KCNH2: variants seen among roughly 807,000 people sequenced by gnomAD.
KCNH2 encodes potassium voltage-gated channel subfamily H member 2.
Under a neutral mutation model 95.9 loss-of-function variants are expected in KCNH2, and 35 were observed. The observed-to-expected ratio is 0.37, with a 90% confidence interval of 0.28 to 0.48. KCNH2 has a LOEUF of 0.48. KCNH2 is among the 20% of genes least tolerant of loss of function. The pLI is 0.99. For synonymous variants in KCNH2, 786 were observed against 754.7 expected (o/e 1.04, Z -0.68); for missense variants, 1,274 against 1,702.9 (o/e 0.75, Z 4.43).
rs991611883 is a variant in KCNH2, at chr7:150,961,141, G to GTT, written c.308-1407_308-1406dup. Reference sequence around the variant, plus strand: ...GCCTCCCAGTGTCTCCCGTCCCCACGTTAGTGCCTAGCACCTAGAGTCATA... The same window carrying GTT: ...GCCTCCCAGTGTCTCCCGTCCCCACGTTTTAGTGCCTAGCACCTAGAGTCATA... On this transcript the variant is annotated intron_variant, in intron 2 of 14. Coordinates refer to ENST00000262186, the MANE Select transcript of KCNH2 (RefSeq NM_000238.4). The surrounding 1 kb of genome is among the most constrained non-coding windows in gnomAD (Gnocchi z 6.2). 1.2e-4 allele frequency among the ~76,000 whole-genome samples: 18 copies of GTT among 151,986 alleles called. No homozygotes were observed. The highest frequency in any genetic ancestry group is 4.1e-4 in the African/African-American group (17 of 41,360).
At chr7:150,967,069 A>C (rs1418900807) in intron 2 of KCNH2, among the ~76,000 whole-genome samples, 1 of 152,220 alleles carries the variant, frequency 6.6e-6, no homozygotes, top group Non-Finnish European at 1.5e-5. Flanking sequence ...ACCTGAGGTC[A>C]GGAGTTCGAG....
chr7:150,977,888 G>C lies in KCNH2; in HGVS notation c.26C>G (p.Ala9Gly). 1 of 1,605,520 alleles carries C rather than the reference G, an allele frequency of 6.2e-7. No homozygotes were observed. Among genetic ancestry groups the C allele is most frequent in the Non-Finnish European group, 8.5e-7 (1 of 1,177,476 alleles). The change falls in exon 1 of 15, where the codon GCG becomes GGG. Residue 9 changes from alanine (A) to glycine (G), a missense_variant. Ala to Gly is a moderately conservative substitution (Grantham distance 60, BLOSUM62 0). Transcript: ENST00000262186. MPVRRGHVAPQNTFLDTII... is the reference protein window; with the variant it reads MPVRRGHVGPQNTFLDTII... ...GGTGTCCAGGAAGGTGTTCTGCGGC[G>C]CGACGTGGCCCCTCCGCACCGGCAT...
At chr7:150,963,578 A>ACCCCAG (rs1289050307) in intron 2 of KCNH2, among the ~76,000 whole-genome samples, 13 of 93,638 alleles carry the variant, frequency 1.4e-4, no homozygotes, top group African/African-American at 4.5e-4. Flanking sequence ...CCCCATTCCC[A>ACCCCAG]CCCCAGCCCC....
Position 150,952,805 on chromosome 7 carries a change from G to C in KCNH2, c.1177C>G (p.Pro393Ala). The C allele has an allele frequency of 6.2e-7, 1 of 1,614,062 alleles. No homozygotes were observed. The highest frequency in any genetic ancestry group is 1.1e-5 in the South Asian group (1 of 91,078). Reference sequence around the variant, plus strand: ...AGGATGGTCCAGCGGTGGATGCGCGGTGCCTGCAGCTTGTACTCAGGCAGC... The same window carrying C: ...AGGATGGTCCAGCGGTGGATGCGCGCTGCCTGCAGCTTGTACTCAGGCAGC... ...DVLPEYKLQA[P>A]RIHRWTILHY... The change falls in exon 6 of 15, where the codon CCG becomes GCG. Residue 393 changes from proline (P) to alanine (A), a missense_variant. Pro to Ala is a conservative substitution (Grantham distance 27). This residue lies in a region of KCNH2 where 392 missense variants were observed against 429.9 expected (regional missense o/e 0.91). Coordinates refer to ENST00000262186, the MANE Select transcript of KCNH2 (RefSeq NM_000238.4). This position sits in a 1 kb window ranked among gnomAD's most constrained non-coding sequence, Gnocchi z 7.3.
chr7:150,972,604 G>T (rs1379760992), intron 2 of KCNH2, among the ~76,000 whole-genome samples: 1 of 152,214 alleles, frequency 6.6e-6, no homozygotes, highest in African/African-American at 2.4e-5. Flanking sequence ...TGAAGAAGGG[G>T]ACAGACAGAG....
In KCNH2 at chr7:150,948,209, C is replaced by A. The variant is rs1800990977; in HGVS notation, c.2692+235G>T. Among the ~76,000 whole-genome samples the A allele has an allele frequency of 2.0e-5, 3 of 152,306 alleles. No individual in the cohort carries two copies. In the South Asian group the frequency reaches 6.2e-4, roughly 32 times the overall value. On this transcript the variant is annotated intron_variant, in intron 11 of 14. Transcript: ENST00000262186. ...CACAGAGACCCCAGCCCTGTGAAGTCCAAAAAGCCTAGGCTTGCCCTGGAG... is the reference window on the plus strand; with the variant it reads ...CACAGAGACCCCAGCCCTGTGAAGTACAAAAAGCCTAGGCTTGCCCTGGAG...
intron 2 of KCNH2, among the ~76,000 whole-genome samples, chr7:150,969,189 C>T (rs1465657867): frequency 2.0e-5 from 3 of 152,174 alleles, no homozygotes; most frequent in Admixed American, 6.5e-5. Context: ...TCAGGCCACC[C>T]GCCAGCTGGG....
chr7:150,950,088 T>G, intron 9 of KCNH2, 80 bp downstream of exon 9: 1 of 1,613,082 alleles, frequency 6.2e-7, no homozygotes, highest in Non-Finnish European at 8.5e-7. Flanking sequence ...ACAGCCCCAG[T>G]GACTGCATAT....
rs1369712678 is a variant in KCNH2, at chr7:150,945,322, C to T, written c.*43G>A. 6.4e-7 allele frequency: 1 copy of T among 1,565,406 alleles called. No homozygotes were observed. The highest frequency in any genetic ancestry group is 8.7e-7 in the Non-Finnish European group (1 of 1,154,842). ...TCCAAGGGGAGCGGCCCAGCAGCGC[C>T]TTGATCCCTGGGTGAGCCACGTGTC... On this transcript the variant is annotated 3_prime_UTR_variant, in exon 15 of 15. Transcript: ENST00000262186. The surrounding 1 kb of genome is among the most constrained non-coding windows in gnomAD (Gnocchi z 5.6).
In KCNH2 at chr7:150,945,104, T is replaced by C; in HGVS notation, c.*261A>G. On this transcript the variant is annotated 3_prime_UTR_variant, in exon 15 of 15. Transcript: ENST00000262186. The surrounding 1 kb of genome is among the most constrained non-coding windows in gnomAD (Gnocchi z 5.6). ...TGCCTAAGGCCCAGGGCCGGGTGCC[T>C]CCGGGCAGTTAGACCAGCTAATGCC... 1 of 507,168 alleles carries C rather than the reference T, an allele frequency of 2.0e-6. No homozygotes were observed. The highest frequency in any genetic ancestry group is 3.5e-6 in the Non-Finnish European group (1 of 285,534). The allele number at this position is 507,168 out of a possible 1,614,324, so 31.4% of individuals were successfully genotyped here. A position where few individuals can be genotyped will look rare whatever the true frequency, so the allele number is the denominator to read the frequency against.
intron 10 of KCNH2, 43 bp from the exon 11 acceptor site, chr7:150,948,586 GC>G: frequency 6.5e-7 from 1 of 1,542,660 alleles, no homozygotes; most frequent in Non-Finnish European, 9.0e-7. Flanking sequence ...GTGCTCTCCT[GC>G]CCCACCGGGG....
rs1264176305 is a variant in KCNH2, at chr7:150,950,335, C to T, written c.2231G>A (p.Arg744Gln). Residue 744 changes from arginine (R) to glutamine (Q), a missense_variant, in exon 9 of 15, where the codon CGA (arginine) becomes CAA (glutamine). This residue lies in a region of KCNH2 where 159 missense variants were observed against 282.5 expected (regional missense o/e 0.56). Transcript: ENST00000262186. ...RSLLQHCKPF[R>Q]GATKGCLRAL... ...CCGAAGGCAGCCCTTGGTGGCCCCT[C>T]GGAAGGGTTTGCAGTGCTGCAGCAG... 1.1e-5 allele frequency: 17 copies of T among 1,613,436 alleles called. No individual in the cohort carries two copies. Among genetic ancestry groups the T allele is most frequent in the East Asian group, 2.2e-5 (1 of 44,874 alleles).
At chr7:150,959,967 C>G (rs550783787) in intron 2 of KCNH2, among the ~76,000 whole-genome samples, 1 of 152,334 alleles carries the variant, frequency 6.6e-6, no homozygotes, top group Non-Finnish European at 1.5e-5. Flanking sequence ...TCCCCTACCC[C>G]TCTCTCTGCC....
chr7:150,955,753 C>A, intron 5 of KCNH2: 1 of 1,259,138 alleles, frequency 7.9e-7, no homozygotes, highest in Non-Finnish European at 1.0e-6. Flanking sequence ...GTGGGCCCTG[C>A]TGCCAGGGTG....
chr7:150,975,681 G>A (rs745816811), intron 1 of KCNH2, among the ~76,000 whole-genome samples: 3 of 152,174 alleles, frequency 2.0e-5, no homozygotes, highest in African/African-American at 7.2e-5. Flanking sequence ...AGAGAAGTTC[G>A]GCACCATGCC....
intron 2 of KCNH2, among the ~76,000 whole-genome samples, chr7:150,968,864 C>T (rs1439952202): frequency 2.6e-5 from 4 of 152,160 alleles, no homozygotes; most frequent in African/African-American, 4.8e-5. Flanking sequence ...TGCAACAGCA[C>T]GGGCTAGGAG....
At position 150,945,359 on chromosome 7, in the gene KCNH2, GC is replaced by G; in HGVS notation, c.*5del. 6 of 1,585,376 alleles carry G rather than the reference GC, an allele frequency of 3.8e-6. No individual in the cohort carries two copies. The highest frequency in any genetic ancestry group is 5.1e-6 in the Non-Finnish European group (6 of 1,167,312). ...GTGAGCCACGTGTCCACACTGGGCA[GC>G]CCCACTAACTGCCCGGGTCCGAGCC... On this transcript the variant is annotated 3_prime_UTR_variant, in exon 15 of 15. Coordinates refer to ENST00000262186, the MANE Select transcript of KCNH2 (RefSeq NM_000238.4). This position sits in a 1 kb window ranked among gnomAD's most constrained non-coding sequence, Gnocchi z 5.6.
Position 150,974,238 on chromosome 7 carries a change from C to T in KCNH2, c.307+473G>A, listed in dbSNP as rs1038821256. On this transcript the variant is annotated intron_variant, in intron 2 of 14. Coordinates refer to ENST00000262186, the MANE Select transcript of KCNH2 (RefSeq NM_000238.4). ...AGCAGAGACAGCCAGAGTCCTGCAGCCCTCCTGTCCCTCCATGACATCTCC... is the reference window on the plus strand; with the variant it reads ...AGCAGAGACAGCCAGAGTCCTGCAGTCCTCCTGTCCCTCCATGACATCTCC... 2.6e-5 allele frequency among the ~76,000 whole-genome samples: 4 copies of T among 152,206 alleles called. 1 individual carries two copies. Among genetic ancestry groups the T allele is most frequent in the Non-Finnish European group, 5.9e-5 (4 of 68,020 alleles).
chr7:150,948,426 T>TCCCCCC lies in KCNH2; in HGVS notation c.2692+17_2692+18insGGGGGG. The TCCCCCC allele has an allele frequency of 3.3e-6, 2 of 600,276 alleles. No individual in the cohort carries two copies. The highest frequency in any genetic ancestry group is 1.9e-5 in the South Asian group (1 of 52,088). 37.2% of individuals were successfully genotyped at this position (600,276 alleles called of 1,614,324 possible). A position where few individuals can be genotyped will look rare whatever the true frequency, so the allele number is the denominator to read the frequency against. On this transcript the variant is annotated intron_variant, in intron 11 of 14. Transcript: ENST00000262186. ...ACCTTGTCCCCGCCCTCCCCCTTCC[T>TCCCCCC]CCCCTCCCCCGCCTCACCCTTGTCC...
Sources: gnomAD v4.1 joint callset for allele counts (sites outside exome capture counted in the v4.1 genomes callset) on GRCh38, gnomAD v4.1.1 for gene constraint, gnomAD v4.1.1 regional missense constraint, Gnocchi (gnomAD v3.1) non-coding constraint, MANE v1.5 for transcripts, NCBI Gene and HGNC (gene_info 2026-07-23, HGNC 2026-07-21) for gene names.